The following ISM1 variants were observed in gnomAD, a reference collection of about 807,000 sequenced individuals.
The protein encoded by ISM1 is isthmin-1.
A neutral mutation model predicts 46.3 loss-of-function variants in ISM1; 25 were observed. That is an observed-to-expected ratio of 0.54 (90% confidence interval 0.39 to 0.75). The LOEUF is 0.75. Ranked by LOEUF, ISM1 falls within the 30% of genes least tolerant of loss-of-function variation. ISM1 has a pLI of 0.00. For missense variants in ISM1, 536 were observed against 625.4 expected (o/e 0.86, Z 1.52); for synonymous variants, 255 against 256.7 (o/e 0.99, Z 0.06).
rs1299270473 is a variant in ISM1, at chr20:13,259,288, A to AC, written c.139-11216_139-11215insC. On this transcript the variant is annotated intron_variant, in intron 1 of 5. Coordinates refer to ENST00000262487, the MANE Select transcript of ISM1 (RefSeq NM_080826.2). ...AGAGTGAGACTCTGTCTCAAAAAAAAAAAAACAAAAACAAAAGGAGTCTAG... is the reference window on the plus strand; with the variant it reads ...AGAGTGAGACTCTGTCTCAAAAAAAACAAAAACAAAAACAAAAGGAGTCTAG... Among the ~76,000 whole-genome samples the AC allele has an allele frequency of 3.3e-5, 5 of 151,902 alleles. No homozygotes were observed. The South Asian group carries it at 6.3e-4, about 19-fold the overall frequency.
the ISM1 span, among the ~76,000 whole-genome samples, chr20:13,310,767 C>T: frequency 5.3e-5 from 8 of 152,312 alleles, no homozygotes; most frequent in Admixed American, 5.2e-4. Flanking sequence ...CCTGAATAGA[C>T]ATTTCTCAAA....
At chr20:13,297,764 C>G (rs1008019635) in intron 5 of ISM1, among the ~76,000 whole-genome samples, 1 of 152,190 alleles carries the variant, frequency 6.6e-6, no homozygotes, top group East Asian at 1.9e-4. Context: ...ATTGGAATAA[C>G]CTAATTCTTA....
intron 3 of ISM1, among the ~76,000 whole-genome samples, chr20:13,281,972 T>A (rs2040243053): frequency 6.6e-6 from 1 of 152,126 alleles, no homozygotes; most frequent in East Asian, 1.9e-4. Flanking sequence ...ACCACTAGCA[T>A]CACGTGGAAA....
At chr20:13,277,483 C>G (rs1374941728) in intron 2 of ISM1, among the ~76,000 whole-genome samples, 3 of 152,144 alleles carry the variant, frequency 2.0e-5, no homozygotes, top group Non-Finnish European at 1.5e-5. Flanking sequence ...CACTGCCCAG[C>G]TTGGCTCGGC....
the ISM1 span, among the ~76,000 whole-genome samples, chr20:13,306,134 C>A: frequency 6.6e-6 from 1 of 152,112 alleles, no homozygotes; most frequent in African/African-American, 2.4e-5. Flanking sequence ...GCATGTAATT[C>A]ATGGATGATT....
chr20:13,308,232 T>G, the ISM1 span, among the ~76,000 whole-genome samples: 1 of 152,100 alleles, frequency 6.6e-6, no homozygotes, highest in Non-Finnish European at 1.5e-5. Flanking sequence ...AATGGCCCAG[T>G]GGGGGTGTCT....
chr20:13,247,946 C>T (rs182607853), intron 1 of ISM1, among the ~76,000 whole-genome samples: 1 of 152,214 alleles, frequency 6.6e-6, no homozygotes, highest in African/African-American at 2.4e-5. Flanking sequence ...AATCCCTTGC[C>T]TTTGTGGGTC....
intron 1 of ISM1, among the ~76,000 whole-genome samples, chr20:13,223,403 C>T (rs934854126): frequency 6.6e-6 from 1 of 152,104 alleles, no homozygotes; most frequent in African/African-American, 2.4e-5. Flanking sequence ...CTTAATTTAA[C>T]CATAATCTTA....
intron 1 of ISM1, among the ~76,000 whole-genome samples, chr20:13,261,425 CA>C (rs61066966): frequency 0.13 from 13,141 of 105,008 alleles, 593 homozygotes; most frequent in East Asian, 0.21. Flanking sequence ...AACTCTGTCT[CA>C]AAAAAAAAAA....
chr20:13,308,880 T>C, the ISM1 span, among the ~76,000 whole-genome samples: 1 of 152,082 alleles, frequency 6.6e-6, no homozygotes, highest in African/African-American at 2.4e-5. Flanking sequence ...GAGAGAGCTC[T>C]CTTGCCCTCT....
intron 1 of ISM1, among the ~76,000 whole-genome samples, chr20:13,229,253 T>C (rs965509493): frequency 1.3e-5 from 2 of 152,198 alleles, no homozygotes; most frequent in African/African-American, 4.8e-5. Flanking sequence ...TGTATATGCC[T>C]ATATAGTTAC....
chr20:13,288,015 G>C (rs1018327061), intron 3 of ISM1, among the ~76,000 whole-genome samples: 2 of 152,150 alleles, frequency 1.3e-5, no homozygotes, highest in Non-Finnish European at 2.9e-5. Flanking sequence ...TAGTCCATGT[G>C]GCTCCTCTCT....
chr20:13,314,764 T>C, the ISM1 span, among the ~76,000 whole-genome samples: 1 of 152,122 alleles, frequency 6.6e-6, no homozygotes, highest in Non-Finnish European at 1.5e-5. Flanking sequence ...ATCTAACAGA[T>C]AACAGTGTGT....
intron 1 of ISM1, among the ~76,000 whole-genome samples, chr20:13,267,886 C>T (rs963595697): frequency 3.3e-5 from 5 of 152,154 alleles, no homozygotes; most frequent in Admixed American, 2.6e-4. Flanking sequence ...AGTACTAAAG[C>T]AATTGGGAAG....
chr20:13,277,329 A>G (rs766356949), intron 2 of ISM1, among the ~76,000 whole-genome samples: 2 of 152,174 alleles, frequency 1.3e-5, no homozygotes, highest in East Asian at 1.9e-4. Context: ...TTTCATTACC[A>G]TAATTGTGGG....
intron 1 of ISM1, among the ~76,000 whole-genome samples, chr20:13,228,115 G>T (rs2039549308): frequency 6.6e-6 from 1 of 151,920 alleles, no homozygotes; most frequent in Non-Finnish European, 1.5e-5. Flanking sequence ...TGGGATTACA[G>T]GTACCCACCA....
At chr20:13,221,971 G>C in intron 1 of ISM1, 57 bp downstream of exon 1, 1 of 1,292,732 alleles carries the variant, frequency 7.7e-7, no homozygotes, top group Non-Finnish European at 9.8e-7. Context: ...TGTGGGGCGG[G>C]GGTGCTGAGC....
intron 3 of ISM1, among the ~76,000 whole-genome samples, chr20:13,285,936 C>G (rs1443644516): frequency 6.6e-6 from 1 of 152,128 alleles, no homozygotes; most frequent in African/African-American, 2.4e-5. Context: ...CATGAGATTT[C>G]TGGATAGTGG....
At chr20:13,236,873 G>A (rs1018777122) in intron 1 of ISM1, among the ~76,000 whole-genome samples, 5 of 152,232 alleles carry the variant, frequency 3.3e-5, no homozygotes, top group Admixed American at 1.3e-4. Context: ...CTCTGCCCCC[G>A]GGGCTTTGCA....
Sources: allele counts gnomAD v4.1 joint callset (sites outside exome capture counted in the v4.1 genomes callset), GRCh38; gene constraint gnomAD v4.1.1; transcripts MANE v1.5; gene names NCBI Gene and HGNC (gene_info 2026-07-23, HGNC 2026-07-21).